ZDHHC2: variants seen among roughly 807,000 people sequenced by gnomAD.
The protein encoded by ZDHHC2 is palmitoyltransferase ZDHHC2.
In ZDHHC2, 51 loss-of-function variants were observed where a neutral mutation model predicts 55.6. The ratio of observed to expected loss-of-function variants is 0.92; its 90% confidence interval spans 0.73 to 1.16. ZDHHC2 has a LOEUF of 1.16. Ranked by LOEUF, ZDHHC2 falls within the 50% of genes most tolerant of loss-of-function variation. The pLI is 0.00. For missense variants in ZDHHC2, 491 were observed against 442.4 expected (o/e 1.11, Z -0.99); for synonymous variants, 199 against 152.9 (o/e 1.30, Z -2.22).
intron 12 of ZDHHC2, among the ~76,000 whole-genome samples, chr8:17,219,735 G>A (rs118178831): frequency 7.9e-5 from 12 of 152,232 alleles, no homozygotes; most frequent in Non-Finnish European, 1.2e-4. Context: ...GATGGAGATC[G>A]CATCACTGCA....
intron 10 of ZDHHC2, among the ~76,000 whole-genome samples, chr8:17,212,656 A>G (rs781116259): frequency 6.6e-6 from 1 of 152,190 alleles, no homozygotes; most frequent in Admixed American, 6.5e-5. Flanking sequence ...CCCCACTCCA[A>G]TCTATTTTCC....
At chr8:17,199,559 G>A (rs556482657) in intron 6 of ZDHHC2, among the ~76,000 whole-genome samples, 5 of 54,072 alleles carry the variant, frequency 9.2e-5, no homozygotes, top group African/African-American at 1.8e-4. Context: ...CTTCGTCTTC[G>A]TCTTCTTCGT....
Position 17,184,757 on chromosome 8 carries a change from A to C in ZDHHC2, c.131-32A>C, listed in dbSNP as rs917136713. On this transcript the variant is annotated intron_variant, in intron 1 of 12. Transcript: ENST00000262096. ...TCAAGCCCCGTTTGCCATAAGCTTC[A>C]TGTAACCTATTACCTTTTTTTCTCT... 1.9e-6 allele frequency: 3 copies of C among 1,542,586 alleles called. No homozygotes were observed. In the South Asian group the frequency reaches 3.7e-5, roughly 19 times the overall value.
chr8:17,183,734 C>T (rs1268565830), intron 1 of ZDHHC2, among the ~76,000 whole-genome samples: 1 of 152,104 alleles, frequency 6.6e-6, no homozygotes, highest in East Asian at 1.9e-4. Context: ...AGGTAAAAGT[C>T]ACAAAGCAGC....
chr8:17,179,108 G>C (rs1237796616), intron 1 of ZDHHC2, among the ~76,000 whole-genome samples: 1 of 152,080 alleles, frequency 6.6e-6, no homozygotes, highest in Non-Finnish European at 1.5e-5. Context: ...GCACCACTAT[G>C]CCTGGCTAAT....
chr8:17,209,811 TCA>T, intron 8 of ZDHHC2, 119 bp from the exon 9 acceptor site: 1 of 1,210,920 alleles, frequency 8.3e-7, no homozygotes, highest in South Asian at 1.8e-5. Flanking sequence ...ACATAAGCCC[TCA>T]CAGTCAGCTA....
At chr8:17,169,372 G>T (rs1404180554) in intron 1 of ZDHHC2, among the ~76,000 whole-genome samples, 1 of 152,002 alleles carries the variant, frequency 6.6e-6, no homozygotes, top group Non-Finnish European at 1.5e-5. Flanking sequence ...GAGAGTGCTG[G>T]TCATCGGGCA....
chr8:17,205,898 C>G, intron 7 of ZDHHC2, 123 bp downstream of exon 7: 1 of 915,264 alleles, frequency 1.1e-6, no homozygotes, highest in Non-Finnish European at 1.6e-6. Flanking sequence ...GCAGTCAGTC[C>G]TCATTATTCG....
chr8:17,185,856 G>A (rs1414875831), intron 2 of ZDHHC2, among the ~76,000 whole-genome samples: 1 of 152,188 alleles, frequency 6.6e-6, no homozygotes, highest in Non-Finnish European at 1.5e-5. Context: ...CCATTTAAAT[G>A]TGTTATCATT....
chr8:17,201,911 C>T (rs1027943617), intron 6 of ZDHHC2, among the ~76,000 whole-genome samples: 2 of 152,134 alleles, frequency 1.3e-5, no homozygotes, highest in African/African-American at 4.8e-5. Context: ...AGTGATTTCT[C>T]AATCTCTGCT....
At chr8:17,209,579 A>G (rs1437300683) in intron 8 of ZDHHC2, among the ~76,000 whole-genome samples, 1 of 152,186 alleles carries the variant, frequency 6.6e-6, no homozygotes, top group South Asian at 2.1e-4. Flanking sequence ...ATACACGTGT[A>G]GATTTGTAGA....
intron 1 of ZDHHC2, among the ~76,000 whole-genome samples, chr8:17,175,512 T>C (rs1406999185): frequency 2.0e-5 from 3 of 152,180 alleles, no homozygotes; most frequent in Admixed American, 2.0e-4. Flanking sequence ...AGCACTAAAC[T>C]TTAGGAAACT....
intron 8 of ZDHHC2, 29 bp from the exon 9 acceptor site, chr8:17,209,903 C>T: frequency 6.3e-7 from 1 of 1,591,212 alleles, no homozygotes; most frequent in South Asian, 1.2e-5. Context: ...GTTCTTTACT[C>T]ATGTGATTCC....
intron 11 of ZDHHC2, among the ~76,000 whole-genome samples, chr8:17,215,744 T>G (rs556783145): frequency 6.6e-6 from 1 of 152,200 alleles, no homozygotes; most frequent in South Asian, 2.1e-4. Context: ...AAGATTTCTG[T>G]CCAATTTCAA....
intron 6 of ZDHHC2, among the ~76,000 whole-genome samples, chr8:17,200,454 C>T (rs1585715797): frequency 1.3e-5 from 2 of 152,166 alleles, no homozygotes; most frequent in South Asian, 4.1e-4. Context: ...TAACTGTATA[C>T]TCCAGATATA....
chr8:17,199,585 C>CTTCTTCTTTT (rs754323183), intron 6 of ZDHHC2, among the ~76,000 whole-genome samples: 1 of 66,274 alleles, frequency 1.5e-5, no homozygotes, highest in Non-Finnish European at 4.2e-5. Context: ...TCTTCTTCTT[C>CTTCTTCTTTT]TTCTTTCTTC....
chr8:17,203,805 T>C (rs1018899193), intron 6 of ZDHHC2, among the ~76,000 whole-genome samples: 2 of 103,304 alleles, frequency 1.9e-5, no homozygotes, highest in African/African-American at 6.0e-5. Context: ...GGCTTCTTTT[T>C]TTTCTTTTTT....
intron 1 of ZDHHC2, among the ~76,000 whole-genome samples, chr8:17,177,537 G>C (rs1000669605): frequency 6.6e-6 from 1 of 152,110 alleles, no homozygotes; most frequent in Admixed American, 6.5e-5. Context: ...TTTTCAGTTA[G>C]TTTTTACTTC....
chr8:17,190,664 C>A (rs1228411332), intron 3 of ZDHHC2, among the ~76,000 whole-genome samples: 1 of 151,910 alleles, frequency 6.6e-6, no homozygotes, highest in Non-Finnish European at 1.5e-5. Context: ...AGAGAAAAAT[C>A]CGTTACACCA....
Sources: gnomAD v4.1 joint callset for allele counts (sites outside exome capture counted in the v4.1 genomes callset) on GRCh38, gnomAD v4.1.1 for gene constraint, MANE v1.5 for transcripts, NCBI Gene and HGNC (gene_info 2026-07-23, HGNC 2026-07-21) for gene names.